DLG2: variants seen among roughly 807,000 people sequenced by gnomAD.
DLG2 encodes the protein disks large homolog 2.
DLG2 carries 45 observed loss-of-function variants against 132.5 expected under a neutral mutation model. The ratio of observed to expected loss-of-function variants is 0.34; its 90% CI spans 0.27 to 0.44. The LOEUF (loss-of-function observed/expected upper bound fraction) is 0.44, where lower values mean the gene tolerates loss of function less well. DLG2 is among the 20% of genes least tolerant of loss of function. DLG2 has a pLI of 1.00. For synonymous variants in DLG2, 424 were observed against 419.6 expected, an observed-to-expected ratio of 1.01 and a Z score of -0.13; for missense variants, 1,045 against 1,196.9, an observed-to-expected ratio of 0.87 and a Z score of 1.87.
At chr11:84,750,304 G>A (rs1368336067) in intron 6 of DLG2, among the ~76,000 whole-genome samples, 2 of 152,136 alleles carry the variant, frequency 1.3e-5, no homozygotes, top group Admixed American at 6.5e-5. Context: ...TCTTCTTCCT[G>A]AATATTTGTT....
intron 7 of DLG2, among the ~76,000 whole-genome samples, chr11:84,308,054 C>T (rs571669781): frequency 1.3e-5 from 2 of 152,216 alleles, no homozygotes; most frequent in Admixed American, 6.5e-5. Flanking sequence ...AAGAACAAAG[C>T]CCCCACAACG....
intron 7 of DLG2, among the ~76,000 whole-genome samples, chr11:84,447,791 G>A (rs896520933): frequency 6.6e-6 from 1 of 152,180 alleles, no homozygotes; most frequent in East Asian, 1.9e-4. Context: ...TTAATATGCT[G>A]TGATTTACCA....
At chr11:85,088,948 C>T (rs1268904889) in intron 6 of DLG2, among the ~76,000 whole-genome samples, 1 of 152,134 alleles carries the variant, frequency 6.6e-6, no homozygotes, top group East Asian at 1.9e-4. Context: ...AATAGCTCTG[C>T]TTACCATAAA....
chr11:83,508,244 T>C (rs1434310053), intron 21 of DLG2, among the ~76,000 whole-genome samples: 1 of 149,140 alleles, frequency 6.7e-6, no homozygotes, highest in African/African-American at 2.5e-5. Context: ...AGAATATACA[T>C]CTTTTTTTTT....
intron 6 of DLG2, among the ~76,000 whole-genome samples, chr11:84,979,966 A>G (rs1166370216): frequency 6.6e-6 from 1 of 152,134 alleles, no homozygotes; most frequent in South Asian, 2.1e-4. Context: ...GCATACAGAC[A>G]TGCTTTATTA....
chr11:84,022,651 T>C (rs1316814291), intron 11 of DLG2, among the ~76,000 whole-genome samples: 1 of 152,216 alleles, frequency 6.6e-6, no homozygotes, highest in East Asian at 1.9e-4. Flanking sequence ...GCATATCTTT[T>C]AATACTGAAA....
chr11:85,322,713 A>T (rs1337179660), intron 3 of DLG2, among the ~76,000 whole-genome samples: 2 of 152,164 alleles, frequency 1.3e-5, no homozygotes, highest in Non-Finnish European at 2.9e-5. Context: ...CTGATCACCC[A>T]GTTGCTCTGT....
intron 8 of DLG2, among the ~76,000 whole-genome samples, chr11:84,213,767 C>T (rs573961740): frequency 1.7e-4 from 25 of 144,916 alleles, no homozygotes; most frequent in Non-Finnish European, 2.4e-4. Context: ...TGCAGTGAGC[C>T]GAGACCACGC....
intron 24 of DLG2, among the ~76,000 whole-genome samples, chr11:83,470,648 T>C (rs1338479599): frequency 6.6e-6 from 1 of 152,196 alleles, no homozygotes; most frequent in Admixed American, 6.6e-5. Context: ...TCAGGATATG[T>C]TCTATGGCAG....
chr11:85,474,679 C>T (rs1424490337), intron 3 of DLG2, among the ~76,000 whole-genome samples: 1 of 151,820 alleles, frequency 6.6e-6, no homozygotes, highest in East Asian at 1.9e-4. Flanking sequence ...TCTATCTATG[C>T]AGTCAAATAA....
intron 27 of DLG2, among the ~76,000 whole-genome samples, chr11:83,461,281 G>T (rs7935651): frequency 0.022 from 3,285 of 152,150 alleles, 112 homozygotes; most frequent in African/African-American, 0.075. Flanking sequence ...AAAGTGCTGG[G>T]ATTAGAGGCA....
At chr11:84,508,772 A>C (rs1163381710) in intron 7 of DLG2, among the ~76,000 whole-genome samples, 1 of 152,000 alleles carries the variant, frequency 6.6e-6, no homozygotes, top group Non-Finnish European at 1.5e-5. Context: ...TTATTTCTTT[A>C]TTTGTTTATT....
At chr11:84,013,374 T>C (rs1215614210) in intron 11 of DLG2, among the ~76,000 whole-genome samples, 1 of 152,136 alleles carries the variant, frequency 6.6e-6, no homozygotes, top group Non-Finnish European at 1.5e-5. Context: ...AACAAGTATC[T>C]AATATTGAGG....
chr11:84,329,976 T>C (rs577089016), intron 7 of DLG2, among the ~76,000 whole-genome samples: 1 of 152,364 alleles, frequency 6.6e-6, no homozygotes, highest in African/African-American at 2.4e-5. Context: ...AACCTCTCTG[T>C]GCCTCTGTTT....
At chr11:83,484,375 G>T in intron 21 of DLG2, 147 bp from the exon 22 acceptor site, 1 of 608,172 alleles carries the variant, frequency 1.6e-6, no homozygotes, top group South Asian at 2.1e-5. Flanking sequence ...GAGTTCTAAA[G>T]GTCGATTTTA....
intron 18 of DLG2, among the ~76,000 whole-genome samples, chr11:83,759,712 A>G: frequency 6.6e-6 from 1 of 152,130 alleles, no homozygotes; most frequent in East Asian, 1.9e-4. Flanking sequence ...AGGGCTTTGT[A>G]CTCATAGTGG....
intron 3 of DLG2, among the ~76,000 whole-genome samples, chr11:85,378,450 T>C (rs1048043685): frequency 3.9e-5 from 6 of 152,118 alleles, no homozygotes; most frequent in African/African-American, 1.4e-4. Flanking sequence ...ATATGTAAAA[T>C]GAAAATGATT....
chr11:84,052,670 G>A (rs1488619396), intron 11 of DLG2, among the ~76,000 whole-genome samples: 3 of 134,424 alleles, frequency 2.2e-5, no homozygotes, highest in African/African-American at 8.0e-5. Flanking sequence ...CAGCTAGAAT[G>A]GCTATTATTA....
intron 18 of DLG2, among the ~76,000 whole-genome samples, chr11:83,781,515 C>T: frequency 6.6e-6 from 1 of 152,160 alleles, no homozygotes; most frequent in Non-Finnish European, 1.5e-5. Flanking sequence ...TTTCTTTTAA[C>T]TCCAGTACCT....
Sources: gnomAD v4.1 joint callset for allele counts (sites outside exome capture counted in the v4.1 genomes callset) on GRCh38, gnomAD v4.1.1 for gene constraint, MANE v1.5 for transcripts, NCBI Gene and HGNC (gene_info 2026-07-23, HGNC 2026-07-21) for gene names.